Variants in SUPT6H observed in about 807,000 individuals in gnomAD.
SUPT6H encodes transcription elongation factor SPT6.
SUPT6H carries 11 observed loss-of-function variants against 222.3 expected under a neutral mutation model. That is an observed-to-expected ratio of 0.05 (90% CI 0.03 to 0.08). The LOEUF is 0.08. SUPT6H is among the 10% of genes least tolerant of loss of function. SUPT6H has a pLI of 1.00. For synonymous variants in SUPT6H, 762 were observed against 801.2 expected (o/e 0.95, Z 0.83); for missense variants, 1,422 against 2,216.0 (o/e 0.64, Z 7.19).
At position 28,683,611 on chromosome 17, in the gene SUPT6H, C is replaced by G. The variant is rs2031232289; in HGVS notation, c.2034-10C>G. On this transcript the variant is annotated splice_polypyrimidine_tract_variant and intron_variant, in intron 16 of 36. Coordinates refer to ENST00000314616, the MANE Select transcript of SUPT6H (RefSeq NM_003170.5). ...CATTCCTGACACCATAGCTTTGTGT[C>G]TCTTCTCAGCTATGGCAACGACCAG... 2 of 1,612,206 alleles carry G rather than the reference C, an allele frequency of 1.2e-6. No homozygotes were observed. Among genetic ancestry groups the G allele is most frequent in the South Asian group, 1.1e-5 (1 of 90,960 alleles).
chr17:28,665,322 A>G lies in SUPT6H; in HGVS notation c.-32+2980A>G, dbSNP rs541586045. Among the ~76,000 whole-genome samples the G allele has an allele frequency of 2.0e-5, 3 of 152,364 alleles. No individual in the cohort carries two copies. The South Asian group carries it at 6.2e-4, about 32-fold the overall frequency. On this transcript the variant is annotated intron_variant, in intron 1 of 36. Transcript: ENST00000314616. ...CCTAAGTAAACTCACTTTAGATGAGATGAGAATATGCATTTCCTTCTTCGC... is the reference window on the plus strand; with the variant it reads ...CCTAAGTAAACTCACTTTAGATGAGGTGAGAATATGCATTTCCTTCTTCGC...
chr17:28,670,195 C>A (rs778809286), intron 1 of SUPT6H: 4 of 152,200 alleles, frequency 2.6e-5, no homozygotes, highest in Non-Finnish European at 4.4e-5. Context: ...TCAGCACTTA[C>A]AGATGATAGT....
chr17:28,699,674 T>G (rs1307510921), intron 32 of SUPT6H, 107 bp from the exon 33 acceptor site: 5 of 913,812 alleles, frequency 5.5e-6, no homozygotes, highest in Non-Finnish European at 7.3e-6. Flanking sequence ...ATCTCTCCTT[T>G]CCCCTAGCAC....
At chr17:28,699,702 C>T in intron 32 of SUPT6H, 79 bp from the exon 33 acceptor site, 1 of 1,186,770 alleles carries the variant, frequency 8.4e-7, no homozygotes, top group Non-Finnish European at 1.3e-6. Flanking sequence ...GGCTACTTCA[C>T]ATGGTGGGCA....
intron 17 of SUPT6H, among the ~76,000 whole-genome samples, chr17:28,684,111 C>G (rs191787092): frequency 0.011 from 1,709 of 152,220 alleles, 15 homozygotes; most frequent in Admixed American, 0.038. Flanking sequence ...ATCTGCCCAC[C>G]TTGGCCTCCC....
chr17:28,701,352 T>G, intron 36 of SUPT6H, 87 bp from the exon 37 acceptor site: 1 of 1,522,494 alleles, frequency 6.6e-7, no homozygotes, highest in Admixed American at 1.8e-5. Context: ...CCCATAGGTA[T>G]GAGGTTCCTT....
At chr17:28,672,343 A>G (rs1362097051) in intron 1 of SUPT6H, among the ~76,000 whole-genome samples, 1 of 152,142 alleles carries the variant, frequency 6.6e-6, no homozygotes, top group East Asian at 1.9e-4. Flanking sequence ...AGTGAGGTAA[A>G]ACTTTGGGGA....
chr17:28,684,976 C>G lies in SUPT6H; in HGVS notation c.2487+15C>G. 1 of 1,605,566 alleles carries G rather than the reference C, an allele frequency of 6.2e-7. No homozygotes were observed. Among genetic ancestry groups the G allele is most frequent in the South Asian group, 1.1e-5 (1 of 90,464 alleles). The stretch of plus-strand genomic sequence containing the variant: ...GGGAAAAGAAGGCAAGTGGCTAGGA[C>G]GAGGATACTAAGTGTACATCTGGAG... On this transcript the variant is annotated intron_variant, in intron 19 of 36. Transcript: ENST00000314616.
In SUPT6H at chr17:28,695,542, G is replaced by A. The variant is rs375001609; in HGVS notation, c.3965G>A (p.Arg1322Gln). Reference sequence around the variant, plus strand: ...GAGGACATGAAGCGGAAGCAGCAGCGGACCAGTGAGTGTGCCTCCCACCAT... The same window carrying A: ...GAGGACATGAAGCGGAAGCAGCAGCAGACCAGTGAGTGTGCCTCCCACCAT... The part of the protein sequence containing the change: ...QEEDMKRKQQ[R>Q]TTYIKRVIAH... The change falls in exon 29 of 37, where the codon CGG (arginine) becomes CAG (glutamine). Residue 1322 changes from arginine (R) to glutamine (Q), a missense_variant. Physicochemically the swap from Arg to Gln is conservative, Grantham distance 43 (BLOSUM62 1). Around this residue, in one of 13 missense-constraint regions of SUPT6H, gnomAD observed 395 missense variants for 580.6 expected, o/e 0.68. Coordinates refer to ENST00000314616, the MANE Select transcript of SUPT6H (RefSeq NM_003170.5). 4.6e-5 allele frequency: 74 copies of A among 1,612,914 alleles called. No individual in the cohort carries two copies. The highest frequency in any genetic ancestry group is 4.2e-4 in the East Asian group (19 of 44,852).
intron 1 of SUPT6H, among the ~76,000 whole-genome samples, chr17:28,663,667 C>T (rs1270946875): frequency 2.0e-5 from 3 of 151,954 alleles, no homozygotes; most frequent in Non-Finnish European, 4.4e-5. Context: ...CTGTTCCCAT[C>T]AGCATACAAA....
chr17:28,689,088 T>A, intron 24 of SUPT6H: 1 of 404,010 alleles, frequency 2.5e-6, no homozygotes, highest in South Asian at 3.8e-5. Flanking sequence ...ATTTTTGCTA[T>A]GCATTTACTA....
chr17:28,676,468 TAA>T, intron 7 of SUPT6H, 38 bp downstream of exon 7: 2 of 1,610,262 alleles, frequency 1.2e-6, no homozygotes, highest in South Asian at 2.2e-5. Flanking sequence ...TACCAATCCA[TAA>T]TTACCTTGTA....
intron 19 of SUPT6H, 55 bp downstream of exon 19, chr17:28,685,016 C>G: frequency 6.6e-7 from 1 of 1,507,696 alleles, no homozygotes; most frequent in Non-Finnish European, 9.1e-7. Flanking sequence ...TCTTATGATT[C>G]AGTGGAGATA....
intron 1 of SUPT6H, 106 bp downstream of exon 1, chr17:28,662,448 G>C (rs2072073067): frequency 6.5e-6 from 1 of 152,916 alleles, no homozygotes. Context: ...CCGTATGCGG[G>C]AAGAAGGGGG....
chr17:28,693,888 C>T (rs749873860), intron 28 of SUPT6H, 52 bp downstream of exon 28: 41 of 1,611,528 alleles, frequency 2.5e-5, no homozygotes, highest in Non-Finnish European at 3.4e-5. Context: ...CTGCCCAGAT[C>T]AGGTCTCTTT....
intron 36 of SUPT6H, 111 bp downstream of exon 36, chr17:28,701,239 C>A (rs1453736537): frequency 1.9e-5 from 27 of 1,452,816 alleles, no homozygotes; most frequent in Non-Finnish European, 2.4e-5. Flanking sequence ...GGGCCCTGAC[C>A]ACATGATATG....
At chr17:28,678,426 C>T (rs936639498) in intron 9 of SUPT6H, 119 bp from the exon 10 acceptor site, 28 of 1,058,694 alleles carry the variant, frequency 2.6e-5, no homozygotes, top group Non-Finnish European at 3.8e-5. Context: ...TGAGGGAGGC[C>T]AGGCTTCTGA....
At chr17:28,698,154 G>A in intron 32 of SUPT6H, 124 bp downstream of exon 32, 1 of 1,313,986 alleles carries the variant, frequency 7.6e-7, no homozygotes, top group Non-Finnish European at 1.0e-6. Flanking sequence ...CATCTGTTTA[G>A]AACAGAGGTG....
chr17:28,686,269 T>G (rs945356156), intron 19 of SUPT6H, 70 bp from the exon 20 acceptor site: 1 of 1,379,230 alleles, frequency 7.3e-7, no homozygotes, highest in Non-Finnish European at 1.0e-6. Context: ...ATCTCCAACA[T>G]AGGGAGACAG....
Sources: allele counts gnomAD v4.1 joint callset (sites outside exome capture counted in the v4.1 genomes callset), GRCh38; gene constraint gnomAD v4.1.1; regional missense constraint gnomAD v4.1.1; transcripts MANE v1.5; gene names NCBI Gene and HGNC (gene_info 2026-07-23, HGNC 2026-07-21).